FBXL7: variants seen among roughly 807,000 people sequenced by gnomAD.
FBXL7 encodes F-box/LRR-repeat protein 7.
In FBXL7, 12 loss-of-function variants were observed where a neutral mutation model predicts 38.3. The observed-to-expected ratio is 0.31, with a 90% confidence interval of 0.20 to 0.51. The LOEUF is 0.51. Ranked by LOEUF, FBXL7 falls within the 20% of genes least tolerant of loss-of-function variation. FBXL7 has a pLI of 0.98. For missense variants in FBXL7, 567 were observed against 676.4 expected (o/e 0.84, Z 1.79); for synonymous variants, 297 against 300.9 (o/e 0.99, Z 0.13).
chr5:15,607,666 G>C (rs1255995997), intron 1 of FBXL7, among the ~76,000 whole-genome samples: 1 of 152,172 alleles, frequency 6.6e-6, no homozygotes, highest in African/African-American at 2.4e-5. Flanking sequence ...ATGCGTGATA[G>C]GAAGAAAAAA....
intron 2 of FBXL7, among the ~76,000 whole-genome samples, chr5:15,916,892 A>G (rs1263031389): frequency 2.0e-5 from 3 of 152,220 alleles, no homozygotes; most frequent in Admixed American, 6.5e-5. Context: ...ACATTGCCCT[A>G]TAGCAGGAGG....
chr5:15,631,667 C>CAA lies in FBXL7; in HGVS notation c.127+15622_127+15623dup, dbSNP rs754975686. ...AGCCTGGGCAACAAGAGCGAGACTCCAAAAAAAAAAAAAAAAAAAAAAAAA... is the reference window on the plus strand; with the variant it reads ...AGCCTGGGCAACAAGAGCGAGACTCCAAAAAAAAAAAAAAAAAAAAAAAAAAA... On this transcript the variant is annotated intron_variant, in intron 2 of 3. Coordinates refer to ENST00000504595, the MANE Select transcript of FBXL7 (RefSeq NM_012304.5). Among the ~76,000 whole-genome samples the CAA allele has an allele frequency of 7.7e-3, 337 of 43,922 alleles. 39 individuals carry two copies. The highest frequency in any genetic ancestry group is 0.019 in the African/African-American group (216 of 11,386). The allele number at this position is 43,922 out of a possible 152,430, so 28.8% of individuals were successfully genotyped here. A position where few individuals can be genotyped will look rare whatever the true frequency, so the allele number is the denominator to read the frequency against.
intron 2 of FBXL7, among the ~76,000 whole-genome samples, chr5:15,768,649 G>T (rs190715282): frequency 4.4e-4 from 67 of 152,300 alleles, no homozygotes; most frequent in Admixed American, 1.0e-3. Flanking sequence ...TTGAGTGGGG[G>T]TGAACTGCCT....
At chr5:15,645,889 G>A (rs1376960681) in intron 2 of FBXL7, among the ~76,000 whole-genome samples, 4 of 152,318 alleles carry the variant, frequency 2.6e-5, no homozygotes, top group South Asian at 2.1e-4. Flanking sequence ...CCTTCCTGTC[G>A]AAGATTGAAT....
At chr5:15,662,655 T>C (rs2126586337) in intron 2 of FBXL7, among the ~76,000 whole-genome samples, 1 of 152,312 alleles carries the variant, frequency 6.6e-6, no homozygotes, top group East Asian at 1.9e-4. Flanking sequence ...AGTCTTTAAT[T>C]CATCTTGAAT....
chr5:15,714,651 A>G (rs1025346515), intron 2 of FBXL7, among the ~76,000 whole-genome samples: 1 of 152,114 alleles, frequency 6.6e-6, no homozygotes, highest in Non-Finnish European at 1.5e-5. Context: ...TCAGGAGACC[A>G]TACTAGCTAA....
At chr5:15,829,261 T>C (rs1348651740) in intron 2 of FBXL7, among the ~76,000 whole-genome samples, 1 of 152,194 alleles carries the variant, frequency 6.6e-6, no homozygotes, top group Non-Finnish European at 1.5e-5. Context: ...GTGGTGGTGG[T>C]GGTGGTGGTT....
chr5:15,523,773 G>A lies in FBXL7; in HGVS notation c.37+23060G>A, dbSNP rs182537261. ...CTTATAGGTTGACAGTGACCCAGACGTAGACATCATTTCCACTCACATCCT... is the reference window on the plus strand; with the variant it reads ...CTTATAGGTTGACAGTGACCCAGACATAGACATCATTTCCACTCACATCCT... On this transcript the variant is annotated intron_variant, in intron 1 of 3. Transcript: ENST00000504595. 1.4e-3 allele frequency among the ~76,000 whole-genome samples: 206 copies of A among 152,276 alleles called. 1 individual carries two copies. The Middle Eastern group carries it at 0.017, about 13-fold the overall frequency.
rs35832237 is a variant in FBXL7, at chr5:15,576,072, CTTTTTTTTTT to C, written c.38-39893_38-39884del. On this transcript the variant is annotated intron_variant, in intron 1 of 3. Transcript: ENST00000504595. ...GTAATGGTTGCCAGAGAATCTCATT[CTTTTTTTTTT>C]TTTTTTTTTTTTTTTTTGAGATGGA... 1.4e-3 allele frequency among the ~76,000 whole-genome samples: 101 copies of C among 74,290 alleles called. 4 individuals carry two copies. The East Asian group carries it at 0.04, about 29-fold the overall frequency. The allele number at this position is 74,290 out of a possible 152,430, so 48.7% of individuals were successfully genotyped here.
At position 15,511,211 on chromosome 5, in the gene FBXL7, A is replaced by C. The variant is rs141386778; in HGVS notation, c.37+10498A>C. On this transcript the variant is annotated intron_variant, in intron 1 of 3. Coordinates refer to ENST00000504595, the MANE Select transcript of FBXL7 (RefSeq NM_012304.5). ...TTGTTCCCTTTCCAAAAGAAAAATTAACTGCTCATTAGGAAACAATCTGCT... is the reference window on the plus strand; with the variant it reads ...TTGTTCCCTTTCCAAAAGAAAAATTCACTGCTCATTAGGAAACAATCTGCT... Among the ~76,000 whole-genome samples the C allele has an allele frequency of 2.6e-5, 4 of 152,344 alleles. No homozygotes were observed. In the East Asian group the frequency reaches 7.7e-4, roughly 29 times the overall value.
Position 15,747,304 on chromosome 5 carries a change from C to T in FBXL7, c.127+131232C>T, listed in dbSNP as rs150643812. Among the ~76,000 whole-genome samples the T allele has an allele frequency of 2.3e-3, 354 of 152,278 alleles. 1 individual carries two copies. The highest frequency in any genetic ancestry group is 7.8e-3 in the African/African-American group (326 of 41,548). On this transcript the variant is annotated intron_variant, in intron 2 of 3. Transcript: ENST00000504595. ...CCTTCCCCAAGCTTTCATGGTGGTACGGCTCTACCAATCTTAAGCTTTGTT... is the reference window on the plus strand; with the variant it reads ...CCTTCCCCAAGCTTTCATGGTGGTATGGCTCTACCAATCTTAAGCTTTGTT...
At chr5:15,605,846 C>T (rs937941787) in intron 1 of FBXL7, among the ~76,000 whole-genome samples, 1 of 152,110 alleles carries the variant, frequency 6.6e-6, no homozygotes, top group Non-Finnish European at 1.5e-5. Context: ...GGCGCAAATG[C>T]TAAAATATGT....
At chr5:15,571,399 A>G (rs957631949) in intron 1 of FBXL7, among the ~76,000 whole-genome samples, 2 of 152,174 alleles carry the variant, frequency 1.3e-5, no homozygotes, top group African/African-American at 4.8e-5. Flanking sequence ...GGTCCTGGGA[A>G]AATGAAGAGA....
intron 2 of FBXL7, among the ~76,000 whole-genome samples, chr5:15,632,785 T>C (rs1311482182): frequency 6.6e-6 from 1 of 152,178 alleles, no homozygotes; most frequent in African/African-American, 2.4e-5. Flanking sequence ...CCAAATACTG[T>C]GTGTTATCAT....
intron 2 of FBXL7, among the ~76,000 whole-genome samples, chr5:15,904,779 T>C (rs1310680384): frequency 6.6e-6 from 1 of 152,010 alleles, no homozygotes; most frequent in African/African-American, 2.4e-5. Flanking sequence ...CTAAGAAAAA[T>C]GTTAAAAGTA....
At chr5:15,503,192 G>A (rs899143797) in intron 1 of FBXL7, among the ~76,000 whole-genome samples, 17 of 152,188 alleles carry the variant, frequency 1.1e-4, no homozygotes, top group South Asian at 8.3e-4. Flanking sequence ...AGGCCGAGGC[G>A]GGCAGATTAC....
intron 1 of FBXL7, among the ~76,000 whole-genome samples, chr5:15,558,773 T>G (rs983361059): frequency 6.6e-6 from 1 of 152,178 alleles, no homozygotes; most frequent in African/African-American, 2.4e-5. Context: ...CATACTGAGG[T>G]TGCTTGTCTA....
intron 2 of FBXL7, among the ~76,000 whole-genome samples, chr5:15,891,807 C>T (rs552854382): frequency 3.3e-5 from 5 of 152,318 alleles, no homozygotes; most frequent in African/African-American, 4.8e-5. Context: ...ACAGTACCCA[C>T]GGACTAGCTA....
intron 1 of FBXL7, among the ~76,000 whole-genome samples, chr5:15,556,907 C>T (rs1208152090): frequency 6.6e-6 from 1 of 152,148 alleles, no homozygotes; most frequent in Non-Finnish European, 1.5e-5. Context: ...AAAGCCAGAA[C>T]CAATCATCAA....
Sources: gnomAD v4.1 joint callset for allele counts (sites outside exome capture counted in the v4.1 genomes callset) on GRCh38, gnomAD v4.1.1 for gene constraint, MANE v1.5 for transcripts, NCBI Gene and HGNC (gene_info 2026-07-23, HGNC 2026-07-21) for gene names.